GPD2: variants seen among roughly 807,000 people sequenced by gnomAD.
GPD2 encodes glycerol-3-phosphate dehydrogenase, mitochondrial.
Under a neutral mutation model 82.4 loss-of-function variants are expected in GPD2, and 54 were observed. The observed-to-expected ratio is 0.66, with a 90% CI of 0.53 to 0.82. The LOEUF is 0.82. GPD2 is among the 40% of genes least tolerant of loss of function. The pLI, the probability that GPD2 is intolerant of heterozygous loss-of-function variation, is 0.00. For missense variants in GPD2, 748 were observed against 896.2 expected, an observed-to-expected ratio of 0.83 and a Z score of 2.11; for synonymous variants, 288 against 306.1, an observed-to-expected ratio of 0.94 and a Z score of 0.62.
intron 2 of GPD2, among the ~76,000 whole-genome samples, chr2:156,478,197 T>C (rs1160732716): frequency 6.6e-6 from 1 of 152,168 alleles, no homozygotes; most frequent in African/African-American, 2.4e-5. Flanking sequence ...TTTTATTCAG[T>C]AAAATCAAGG....
At chr2:156,452,040 G>T (rs1217512692) in intron 1 of GPD2, among the ~76,000 whole-genome samples, 2 of 152,028 alleles carry the variant, frequency 1.3e-5, no homozygotes. Context: ...TGGGATGGCG[G>T]CCGGGCAGAG....
Position 156,563,178 on chromosome 2 carries a change from T to TA in GPD2, c.1165+5597dup, listed in dbSNP as rs1226035390. ...CTTTGGTTTTGGTAATACCAGCTCT[T>TA]ATAGTTTGATATAAAAAGTTTAGAG... On this transcript the variant is annotated intron_variant, in intron 9 of 16. Coordinates refer to ENST00000438166, the MANE Select transcript of GPD2 (RefSeq NM_000408.5). Among the ~76,000 whole-genome samples the TA allele has an allele frequency of 6.6e-5, 10 of 152,198 alleles. No individual in the cohort carries two copies. In the South Asian group the frequency reaches 1.4e-3, roughly 22 times the overall value.
intron 2 of GPD2, among the ~76,000 whole-genome samples, chr2:156,481,366 C>A (rs528008837): frequency 1.3e-5 from 2 of 152,154 alleles, no homozygotes; most frequent in East Asian, 3.9e-4. Flanking sequence ...TTATTGTTAA[C>A]CATATTCAGC....
the GPD2 span, among the ~76,000 whole-genome samples, chr2:156,406,430 T>A: frequency 4.6e-5 from 7 of 152,302 alleles, no homozygotes; most frequent in South Asian, 1.2e-3. Flanking sequence ...TGGCACTGAC[T>A]CTTATTCTCC....
intron 3 of GPD2, chr2:156,501,972 CTA>C (rs1684599107): frequency 6.2e-6 from 1 of 160,602 alleles, no homozygotes; most frequent in African/African-American, 2.4e-5. Context: ...GTCATGGAGT[CTA>C]TAAATTAGTC....
In GPD2 at chr2:156,578,871, T is replaced by C; in HGVS notation, c.1768-18T>C. 7.6e-7 allele frequency: 1 copy of C among 1,320,454 alleles called. No individual in the cohort carries two copies. Among genetic ancestry groups the C allele is most frequent in the Non-Finnish European group, 1.1e-6 (1 of 913,386 alleles). 81.8% of individuals were successfully genotyped at this position (1,320,454 alleles called of 1,614,324 possible). On this transcript the variant is annotated intron_variant, in intron 13 of 16. Transcript: ENST00000438166. ...TATTTCCATGTGTCTTTGAACTTTGTGTGTATCTCTGTTTTAGGAACAACT... is the reference window on the plus strand; with the variant it reads ...TATTTCCATGTGTCTTTGAACTTTGCGTGTATCTCTGTTTTAGGAACAACT...
chr2:156,437,673 A>G (rs541032023), intron 1 of GPD2, among the ~76,000 whole-genome samples: 8 of 152,346 alleles, frequency 5.3e-5, no homozygotes, highest in Admixed American at 5.2e-4. Context: ...CAATGGATTC[A>G]TTGCAACTGT....
chr2:156,492,805 C>G (rs1186348770), intron 2 of GPD2, among the ~76,000 whole-genome samples: 1 of 152,136 alleles, frequency 6.6e-6, no homozygotes, highest in Non-Finnish European at 1.5e-5. Context: ...ACGGGGAGCT[C>G]TCAAGGTTGT....
At chr2:156,411,297 TTC>T in the GPD2 span, among the ~76,000 whole-genome samples, 12 of 151,710 alleles carry the variant, frequency 7.9e-5, no homozygotes, top group East Asian at 5.8e-4. Flanking sequence ...GTCACATAAG[TTC>T]TCTCTCTCTC....
chr2:156,544,047 A>G (rs1481875908), intron 6 of GPD2, among the ~76,000 whole-genome samples: 1 of 152,120 alleles, frequency 6.6e-6, no homozygotes, highest in Non-Finnish European at 1.5e-5. Flanking sequence ...ATAACCACAA[A>G]CGTGAATGGC....
At position 156,561,040 on chromosome 2, in the gene GPD2, C is replaced by CTTTTTTTTT. The variant is rs35948070; in HGVS notation, c.1165+3475_1165+3483dup. ...GAAACTGAGGCCCAGTGACATTAAG[C>CTTTTTTTTT]TTTTTTTTTTTTTTTTTTTTTTTTT... On this transcript the variant is annotated intron_variant, in intron 9 of 16. Coordinates refer to ENST00000438166, the MANE Select transcript of GPD2 (RefSeq NM_000408.5). Among the ~76,000 whole-genome samples the CTTTTTTTTT allele has an allele frequency of 5.4e-3, 148 of 27,624 alleles. 42 individuals are homozygous for CTTTTTTTTT. Among genetic ancestry groups the CTTTTTTTTT allele is most frequent in the African/African-American group, 0.018 (131 of 7,092 alleles). The allele number at this position is 27,624 out of a possible 152,430, so 18.1% of individuals were successfully genotyped here. A position where few individuals can be genotyped will look rare whatever the true frequency, so the allele number is the denominator to read the frequency against.
At chr2:156,491,945 G>A (rs556301334) in intron 2 of GPD2, among the ~76,000 whole-genome samples, 16 of 151,044 alleles carry the variant, frequency 1.1e-4, no homozygotes, top group African/African-American at 2.9e-4. Context: ...GCTTGAACCC[G>A]GGTGACAGAG....
intron 13 of GPD2, among the ~76,000 whole-genome samples, chr2:156,574,411 A>C (rs1433452960): frequency 6.6e-6 from 1 of 152,138 alleles, no homozygotes; most frequent in Non-Finnish European, 1.5e-5. Context: ...GACAGACCCA[A>C]TTCTCACTTT....
intron 9 of GPD2, among the ~76,000 whole-genome samples, chr2:156,566,838 A>G (rs1484203574): frequency 6.6e-6 from 1 of 152,046 alleles, no homozygotes; most frequent in Non-Finnish European, 1.5e-5. Context: ...CAGGGGGTTC[A>G]GTTTCTCCAC....
At chr2:156,439,538 AAC>A (rs68035044) in intron 1 of GPD2, among the ~76,000 whole-genome samples, 11,480 of 68,108 alleles carry the variant, frequency 0.17, 4,904 homozygotes, top group Non-Finnish European at 0.22. Flanking sequence ...AAAAAAAAAA[AAC>A]AAAAAAAAAA....
the GPD2 span, among the ~76,000 whole-genome samples, chr2:156,415,207 G>A: frequency 5.9e-5 from 8 of 136,032 alleles, no homozygotes; most frequent in Admixed American, 1.7e-4. Context: ...GGACCAGGCT[G>A]GAGTGCAGTG....
intron 15 of GPD2, 111 bp from the exon 16 acceptor site, chr2:156,579,579 G>C: frequency 8.7e-6 from 6 of 691,274 alleles, no homozygotes; most frequent in Non-Finnish European, 1.6e-5. Context: ...TAATCTGCCT[G>C]CCTTGGCCTC....
At chr2:156,444,777 A>G (rs1043291176) in intron 1 of GPD2, among the ~76,000 whole-genome samples, 1 of 152,092 alleles carries the variant, frequency 6.6e-6, no homozygotes, top group Non-Finnish European at 1.5e-5. Flanking sequence ...TTAAAGACAG[A>G]GTCTTGCTCT....
intron 1 of GPD2, among the ~76,000 whole-genome samples, chr2:156,471,742 T>C (rs569362275): frequency 1.3e-4 from 20 of 151,894 alleles, no homozygotes; most frequent in South Asian, 1.3e-3. Flanking sequence ...AGCACCTTGC[T>C]TTTTTTTTCT....
Sources: allele counts gnomAD v4.1 joint callset (sites outside exome capture counted in the v4.1 genomes callset), GRCh38; gene constraint gnomAD v4.1.1; transcripts MANE v1.5; gene names NCBI Gene and HGNC (gene_info 2026-07-23, HGNC 2026-07-21).